Variants in GARNL3 observed in about 807,000 individuals in gnomAD.
GARNL3 encodes the protein GTPase activating Rap/RanGAP domain like 3.
GARNL3 carries 63 observed loss-of-function variants against 125.0 expected under a neutral mutation model. That is an observed-to-expected ratio of 0.50 (90% CI 0.41 to 0.62). The LOEUF is 0.62. Ranked by LOEUF, GARNL3 falls within the 20% of genes least tolerant of loss-of-function variation. The pLI, the probability that GARNL3 is intolerant of heterozygous loss-of-function variation, is 0.00. For synonymous variants in GARNL3, 439 were observed against 457.5 expected, an observed-to-expected ratio of 0.96 and a Z score of 0.52; for missense variants, 994 against 1,244.0, an observed-to-expected ratio of 0.80 and a Z score of 3.02.
intron 1 of GARNL3, chr9:127,225,269 G>T: frequency 1.2e-6 from 1 of 800,742 alleles, no homozygotes. Context: ...CGAGGCCCGA[G>T]CCCACCCGAG....
chr9:127,278,334 A>G (rs975990826), intron 1 of GARNL3, among the ~76,000 whole-genome samples: 5 of 152,352 alleles, frequency 3.3e-5, no homozygotes, highest in Middle Eastern at 3.4e-3. Context: ...CTTTTTAGGC[A>G]TAAAGTTGTC....
intron 16 of GARNL3, among the ~76,000 whole-genome samples, chr9:127,347,577 TGTGTCTTCTGGGCA>T (rs1830208250): frequency 2.0e-5 from 3 of 152,194 alleles, no homozygotes; most frequent in Admixed American, 2.0e-4. Context: ...GTTCCAAACT[TGTGTCTTCTGGGCA>T]GAAAACATAT....
chr9:127,383,617 G>A (rs1832389021), intron 23 of GARNL3, 72 bp downstream of exon 23: 2 of 975,628 alleles, frequency 2.0e-6, no homozygotes, highest in Admixed American at 4.5e-5. Context: ...CAAATCCTAT[G>A]TAAGCAAATC....
upstream of GARNL3, among the ~76,000 whole-genome samples, chr9:127,260,791 C>T (rs976588044): frequency 6.6e-6 from 1 of 152,198 alleles, no homozygotes. Context: ...CCTCTGACAA[C>T]CCCTGTTTGT....
intron 24 of GARNL3, 120 bp from the exon 25 acceptor site, chr9:127,387,073 C>G: frequency 9.3e-7 from 1 of 1,071,126 alleles, no homozygotes; most frequent in Non-Finnish European, 1.4e-6. Flanking sequence ...GCATCCCGCA[C>G]TGCACTGTAT....
At chr9:127,316,495 A>C (rs1018094163) in intron 4 of GARNL3, among the ~76,000 whole-genome samples, 1 of 152,236 alleles carries the variant, frequency 6.6e-6, no homozygotes, top group African/African-American at 2.4e-5. Context: ...CAGGGAATGC[A>C]GTGTAGGCTG....
chr9:127,384,833 C>T lies in GARNL3; in HGVS notation c.2270-194C>T, dbSNP rs1163378629. On this transcript the variant is annotated intron_variant, in intron 23 of 27. Transcript: ENST00000373387. This position sits in a 1 kb window ranked among gnomAD's most constrained non-coding sequence, Gnocchi z 4.0. The stretch of plus-strand genomic sequence containing the variant: ...CTCCTGGGAGGCGCAGTGTGGCAAC[C>T]GAGGGGAGGCTGTCTTGGGAACCCA... 2.0e-5 allele frequency among the ~76,000 whole-genome samples: 3 copies of T among 152,146 alleles called. No homozygotes were observed. Among genetic ancestry groups the T allele is most frequent in the Non-Finnish European group, 2.9e-5 (2 of 68,034 alleles).
At chr9:127,378,148 C>T (rs538584707) in intron 22 of GARNL3, among the ~76,000 whole-genome samples, 1 of 146,034 alleles carries the variant, frequency 6.8e-6, no homozygotes, top group East Asian at 2.1e-4. Context: ...GGCCAAGGCA[C>T]AAGAATTGCT....
At chr9:127,251,747 A>G (rs972188461) in intron 2 of GARNL3, among the ~76,000 whole-genome samples, 1 of 152,344 alleles carries the variant, frequency 6.6e-6, no homozygotes, top group East Asian at 1.9e-4. Flanking sequence ...AGGGATCAGA[A>G]TATGCCACCC....
chr9:127,291,153 CT>C lies in GARNL3; in HGVS notation c.145-10del, dbSNP rs1328773122. 4 of 1,613,222 alleles carry C rather than the reference CT, an allele frequency of 2.5e-6. No homozygotes were observed. Among genetic ancestry groups the C allele is most frequent in the African/African-American group, 1.3e-5 (1 of 75,024 alleles). Reference sequence around the variant, plus strand: ...ATTGTAAATGCTTCCTAATTGAATGCTTTTTCCCCCCTAGCTTATTTCCAGT... The same window carrying C: ...ATTGTAAATGCTTCCTAATTGAATGCTTTTCCCCCCTAGCTTATTTCCAGT... On this transcript the variant is annotated splice_polypyrimidine_tract_variant and intron_variant, in intron 1 of 27. Transcript: ENST00000373387.
chr9:127,234,324 C>T (rs2063072687), intron 1 of GARNL3, among the ~76,000 whole-genome samples: 1 of 152,196 alleles, frequency 6.6e-6, no homozygotes, highest in African/African-American at 2.4e-5. Flanking sequence ...GCTTGGTTGT[C>T]TGGTTTCCAG....
intron 14 of GARNL3, 61 bp downstream of exon 14, chr9:127,342,395 C>T (rs964620325): frequency 6.3e-6 from 7 of 1,104,362 alleles, no homozygotes; most frequent in African/African-American, 1.5e-5. Context: ...AACACAAGTC[C>T]TCAACTCAGC....
intron 1 of GARNL3, among the ~76,000 whole-genome samples, chr9:127,231,489 G>T (rs1337029045): frequency 6.6e-6 from 1 of 152,006 alleles, no homozygotes; most frequent in African/African-American, 2.4e-5. Flanking sequence ...TGTCATTTTG[G>T]CTGCAATATT....
chr9:127,365,035 G>A, intron 21 of GARNL3: 1 of 445,204 alleles, frequency 2.2e-6, no homozygotes, highest in Non-Finnish European at 4.0e-6. Context: ...CTTCTCAACG[G>A]CTATGAAAAG....
At chr9:127,233,334 T>C (rs2063053270) in intron 1 of GARNL3, among the ~76,000 whole-genome samples, 1 of 152,218 alleles carries the variant, frequency 6.6e-6, no homozygotes. Flanking sequence ...GGGTGAAACA[T>C]GCTGATTGGC....
intron 2 of GARNL3, among the ~76,000 whole-genome samples, chr9:127,254,859 G>A (rs942874661): frequency 6.6e-6 from 1 of 151,976 alleles, no homozygotes; most frequent in African/African-American, 2.4e-5. Context: ...GGCAAATCAT[G>A]GAACAGGTAG....
intron 17 of GARNL3, 28 bp from the exon 18 acceptor site, chr9:127,353,818 T>C: frequency 1.3e-6 from 2 of 1,500,832 alleles, no homozygotes; most frequent in Non-Finnish European, 1.9e-6. Flanking sequence ...TGGGTTGCAG[T>C]GATGGGTAAC....
chr9:127,379,027 C>T (rs185517771), intron 22 of GARNL3, among the ~76,000 whole-genome samples: 1 of 152,328 alleles, frequency 6.6e-6, no homozygotes, highest in African/African-American at 2.4e-5. Flanking sequence ...ATCTGCCCGC[C>T]TTGGCCTCCC....
chr9:127,353,939 A>G lies in GARNL3; in HGVS notation c.1637A>G (p.Asp546Gly). ...CTGGACCTTCTGGTTCTCAGAGCAG[A>G]CAAAGGTGGTATTCCCTGCCGGGTG... is the stretch of plus-strand genomic sequence containing the variant. The part of the protein sequence containing the change: ...ETLDLLVLRA[D>G]KGKDARLFVF... Residue 546 changes from aspartate (D) to glycine (G), a missense_variant, in exon 18 of 28, where the codon GAC (aspartate) becomes GGC (glycine). Transcript: ENST00000373387. The G allele has an allele frequency of 6.2e-7, 1 of 1,607,678 alleles. No homozygotes were observed. Among genetic ancestry groups the G allele is most frequent in the Non-Finnish European group, 8.5e-7 (1 of 1,174,134 alleles).
Sources: gnomAD v4.1 joint callset for allele counts (sites outside exome capture counted in the v4.1 genomes callset) on GRCh38, gnomAD v4.1.1 for gene constraint, Gnocchi (gnomAD v3.1) non-coding constraint, MANE v1.5 for transcripts, NCBI Gene and HGNC (gene_info 2026-07-23, HGNC 2026-07-21) for gene names.